Variants in SRGAP1 observed in about 807,000 individuals in gnomAD.
SRGAP1 encodes the protein SLIT-ROBO Rho GTPase-activating protein 1.
A neutral mutation model predicts 121.9 loss-of-function variants in SRGAP1; 43 were observed. That is an observed-to-expected ratio of 0.35 (90% CI 0.28 to 0.46). The LOEUF is 0.46. SRGAP1 is among the 20% of genes least tolerant of loss of function. SRGAP1 has a pLI of 1.00. For synonymous variants in SRGAP1, 447 were observed against 485.4 expected (o/e 0.92, Z 1.04); for missense variants, 1,102 against 1,350.9 (o/e 0.82, Z 2.89).
chr12:63,867,061 C>T (rs778441851), intron 1 of SRGAP1, among the ~76,000 whole-genome samples: 12 of 152,100 alleles, frequency 7.9e-5, no homozygotes, highest in African/African-American at 2.7e-4. Flanking sequence ...GTGTTGCCCA[C>T]GGTGGTCTCG....
chr12:63,937,719 A>G (rs1231854216), intron 1 of SRGAP1, among the ~76,000 whole-genome samples: 1 of 152,236 alleles, frequency 6.6e-6, no homozygotes, highest in Non-Finnish European at 1.5e-5. Flanking sequence ...GACATGTAGC[A>G]TGTTATATTA....
intron 1 of SRGAP1, among the ~76,000 whole-genome samples, chr12:63,900,353 G>T (rs551736018): frequency 6.6e-6 from 1 of 151,072 alleles, no homozygotes; most frequent in African/African-American, 2.4e-5. Flanking sequence ...CTACAGGTGC[G>T]TGCCATCACG....
At chr12:63,848,948 T>C (rs1401173538) in intron 1 of SRGAP1, among the ~76,000 whole-genome samples, 1 of 152,192 alleles carries the variant, frequency 6.6e-6, no homozygotes, top group East Asian at 1.9e-4. Flanking sequence ...CAAAACCACA[T>C]GCAGAGAAAT....
At chr12:63,978,365 T>G (rs2033148176) in intron 1 of SRGAP1, among the ~76,000 whole-genome samples, 1 of 152,188 alleles carries the variant, frequency 6.6e-6, no homozygotes, top group Non-Finnish European at 1.5e-5. Context: ...TAGCAGCCAT[T>G]TTTCCCCAAC....
At chr12:64,068,672 A>G (rs2035585881) in intron 8 of SRGAP1, among the ~76,000 whole-genome samples, 3 of 151,572 alleles carry the variant, frequency 2.0e-5, no homozygotes, top group Admixed American at 1.3e-4. Context: ...TTGGGTTTTG[A>G]AAGTTATTTG....
At chr12:64,005,529 C>T (rs2034053178) in intron 3 of SRGAP1, among the ~76,000 whole-genome samples, 1 of 151,930 alleles carries the variant, frequency 6.6e-6, no homozygotes, top group Admixed American at 6.6e-5. Flanking sequence ...ATCTGTAGTC[C>T]CACCTACTTG....
At chr12:63,961,495 G>A (rs904909379) in intron 1 of SRGAP1, among the ~76,000 whole-genome samples, 2 of 152,158 alleles carry the variant, frequency 1.3e-5, no homozygotes, top group African/African-American at 2.4e-5. Context: ...ATTCCAGATC[G>A]TATATGTAGA....
intron 3 of SRGAP1, among the ~76,000 whole-genome samples, chr12:64,002,025 G>T (rs928747870): frequency 1.3e-5 from 2 of 152,134 alleles, no homozygotes; most frequent in Non-Finnish European, 2.9e-5. Context: ...TTAAAATTCC[G>T]TCAAATTGGC....
chr12:64,020,660 T>C (rs1210942332), intron 4 of SRGAP1, among the ~76,000 whole-genome samples: 1 of 151,752 alleles, frequency 6.6e-6, no homozygotes, highest in African/African-American at 2.4e-5. Context: ...CTGGCCAACA[T>C]GGTGAAACCC....
chr12:64,079,069 G>T lies in SRGAP1; in HGVS notation c.1276G>T (p.Ala426Ser), dbSNP rs1174000312. Residue 426 changes from alanine to serine, a missense_variant, in exon 9 of 22, where the codon GCC (alanine) becomes TCC (serine). Around this residue, in one of 3 missense-constraint regions of SRGAP1, gnomAD observed 747 missense variants for 929.4 expected, o/e 0.80. Coordinates refer to ENST00000355086, the MANE Select transcript of SRGAP1 (RefSeq NM_020762.4). ...AACCTACCTGAGTAAACCCAGCATCGCCAAGAGAAGAGCCAACCAGCAGGA... is the reference window on the plus strand; with the variant it reads ...AACCTACCTGAGTAAACCCAGCATCTCCAAGAGAAGAGCCAACCAGCAGGA... ...SETYLSKPSIAKRRANQQETE... is the reference protein window; with the variant it reads ...SETYLSKPSISKRRANQQETE... 1.2e-6 allele frequency: 2 copies of T among 1,613,872 alleles called. No homozygotes were observed. The highest frequency in any genetic ancestry group is 1.1e-5 in the South Asian group (1 of 91,072).
At chr12:63,937,426 A>G (rs1397426957) in intron 1 of SRGAP1, among the ~76,000 whole-genome samples, 1 of 152,190 alleles carries the variant, frequency 6.6e-6, no homozygotes, top group Non-Finnish European at 1.5e-5. Flanking sequence ...AACCCCAAGA[A>G]CATTTCTCTT....
In SRGAP1 at chr12:64,095,756, T is replaced by C. The variant is rs1224177405; in HGVS notation, c.1678+552T>C. 2.0e-5 allele frequency among the ~76,000 whole-genome samples: 3 copies of C among 152,192 alleles called. No individual in the cohort carries two copies. In the East Asian group the frequency reaches 5.8e-4, roughly 29 times the overall value. On this transcript the variant is annotated intron_variant, in intron 14 of 21. Transcript: ENST00000355086. ...ATTTTTTATTTTTAACTATTATGGG[T>C]ACGTAATAGTGTTATGTATTAATAG...
In SRGAP1 at chr12:64,161,478, A is replaced by G. The variant is rs892879854; in HGVS notation, c.*18806A>G. On this transcript the variant is annotated 3_prime_UTR_variant, in exon 22 of 22. Coordinates refer to ENST00000355086, the MANE Select transcript of SRGAP1 (RefSeq NM_020762.4). Reference sequence around the variant, plus strand: ...ACTTTATTTCTGCTCTCATGCTTTTAATTTCCAAAAGCTCTTTTTGTGAGC... The same window carrying G: ...ACTTTATTTCTGCTCTCATGCTTTTGATTTCCAAAAGCTCTTTTTGTGAGC... 7.9e-5 allele frequency: 12 copies of G among 152,096 alleles called. No homozygotes were observed. Among genetic ancestry groups the G allele is most frequent in the Non-Finnish European group, 1.6e-4 (11 of 68,014 alleles). The allele number at this position is 152,096 out of a possible 1,614,324, so 9.4% of individuals were successfully genotyped here.
At chr12:63,972,251 C>A (rs933394817) in intron 1 of SRGAP1, among the ~76,000 whole-genome samples, 1 of 152,086 alleles carries the variant, frequency 6.6e-6, no homozygotes, top group Non-Finnish European at 1.5e-5. Context: ...TCAGTGTTTC[C>A]TTTGTCAGTG....
chr12:64,033,691 T>A (rs1203648329), intron 4 of SRGAP1, among the ~76,000 whole-genome samples: 1 of 151,512 alleles, frequency 6.6e-6, no homozygotes, highest in Non-Finnish European at 1.5e-5. Flanking sequence ...ACACTTCAGC[T>A]TGGGTTACAG....
intron 12 of SRGAP1, chr12:64,091,873 A>G: frequency 6.5e-7 from 1 of 1,534,436 alleles, no homozygotes; most frequent in Non-Finnish European, 8.7e-7. Context: ...TTCATCCTGT[A>G]TTTCTGATAA....
In SRGAP1 at chr12:64,094,999, C is replaced by G. The variant is rs2036126942; in HGVS notation, c.1600+7C>G. On this transcript the variant is annotated splice_region_variant and intron_variant, in intron 13 of 21. Coordinates refer to ENST00000355086, the MANE Select transcript of SRGAP1 (RefSeq NM_020762.4). ...CGGTTCATCAATCTCTATGGTAAGC[C>G]ATAAACTACAGAATTCTTATTTTTT... 1 of 1,613,816 alleles carries G rather than the reference C, an allele frequency of 6.2e-7. No homozygotes were observed. The highest frequency in any genetic ancestry group is 2.2e-5 in the East Asian group (1 of 44,868).
chr12:63,949,087 C>CCATATATATATACATT (rs1555243845), intron 1 of SRGAP1, among the ~76,000 whole-genome samples: 1 of 90,832 alleles, frequency 1.1e-5, no homozygotes, highest in Non-Finnish European at 2.3e-5. Context: ...TATGTATTTT[C>CCATATATATATACATT]CATATATGTA....
intron 7 of SRGAP1, 130 bp downstream of exon 7, chr12:64,063,268 A>G: frequency 2.4e-6 from 2 of 840,094 alleles, no homozygotes; most frequent in Non-Finnish European, 3.6e-6. Context: ...GGCTCTTAAT[A>G]TAATGCTAAG....
Sources: allele counts gnomAD v4.1 joint callset (sites outside exome capture counted in the v4.1 genomes callset), GRCh38; gene constraint gnomAD v4.1.1; regional missense constraint gnomAD v4.1.1; transcripts MANE v1.5; gene names NCBI Gene and HGNC (gene_info 2026-07-23, HGNC 2026-07-21).